The following GABRG3 variants were observed in gnomAD, a reference collection of about 807,000 sequenced individuals.
GABRG3 encodes the protein gamma-aminobutyric acid type A receptor subunit gamma3.
Under a neutral mutation model 48.8 loss-of-function variants are expected in GABRG3, and 25 were observed. That is an observed-to-expected ratio of 0.51 (90% CI 0.37 to 0.72). The LOEUF is 0.72. Ranked by LOEUF, GABRG3 falls within the 30% of genes least tolerant of loss-of-function variation. The probability of loss-of-function intolerance (pLI) is 0.00; values close to 1 mark genes in which losing one functional copy is unlikely to be tolerated. For missense variants in GABRG3, 394 were observed against 577.9 expected, an observed-to-expected ratio of 0.68 and a Z score of 3.26; for synonymous variants, 227 against 217.6, an observed-to-expected ratio of 1.04 and a Z score of -0.38.
chr15:27,337,766 T>A (rs1291096721), intron 5 of GABRG3, among the ~76,000 whole-genome samples: 1 of 152,196 alleles, frequency 6.6e-6, no homozygotes, highest in Non-Finnish European at 1.5e-5. Flanking sequence ...AACTATGAGA[T>A]GTCTTGACTA....
chr15:27,173,886 T>TA (rs1195027054), intron 3 of GABRG3, among the ~76,000 whole-genome samples: 1 of 151,584 alleles, frequency 6.6e-6, no homozygotes, highest in Non-Finnish European at 1.5e-5. Context: ...TCTCTGAAAA[T>TA]AAAAAAAGAA....
intron 3 of GABRG3, among the ~76,000 whole-genome samples, chr15:27,231,582 C>G (rs1444855694): frequency 6.6e-6 from 1 of 152,146 alleles, no homozygotes; most frequent in Admixed American, 6.5e-5. Flanking sequence ...GGTTTGAAAA[C>G]CCAACGTTAG....
chr15:27,225,572 A>G (rs1889586452), intron 3 of GABRG3, among the ~76,000 whole-genome samples: 1 of 152,092 alleles, frequency 6.6e-6, no homozygotes, highest in Admixed American at 6.5e-5. Flanking sequence ...TGGGTTGTTC[A>G]TTCCCTCTAT....
chr15:26,989,344 A>G (rs1445340918), intron 2 of GABRG3, among the ~76,000 whole-genome samples: 1 of 152,144 alleles, frequency 6.6e-6, no homozygotes, highest in Non-Finnish European at 1.5e-5. Context: ...TTGTTTTTCA[A>G]TAGTGGATAT....
intron 5 of GABRG3, among the ~76,000 whole-genome samples, chr15:27,372,815 G>T (rs923227419): frequency 6.6e-6 from 1 of 152,042 alleles, no homozygotes; most frequent in Non-Finnish European, 1.5e-5. Flanking sequence ...TTCCCTCCTG[G>T]TGCCTCTGTC....
At chr15:27,133,843 G>A (rs1231544608) in intron 3 of GABRG3, among the ~76,000 whole-genome samples, 1 of 152,072 alleles carries the variant, frequency 6.6e-6, no homozygotes, top group Non-Finnish European at 1.5e-5. Context: ...TTCATCTTAC[G>A]GTATGCACTT....
intron 6 of GABRG3, among the ~76,000 whole-genome samples, chr15:27,506,169 G>A (rs74005020): frequency 0.12 from 18,080 of 152,114 alleles, 2,054 homozygotes; most frequent in African/African-American, 0.3. Context: ...TTGCAATGGG[G>A]AGAATTCTAA....
At chr15:27,394,075 GTTTAATA>G (rs1887227682) in intron 5 of GABRG3, among the ~76,000 whole-genome samples, 1 of 152,048 alleles carries the variant, frequency 6.6e-6, no homozygotes, top group Non-Finnish European at 1.5e-5. Flanking sequence ...TTATTTTATT[GTTTAATA>G]TTTAATGTAA....
chr15:27,220,611 G>A (rs1889419786), intron 3 of GABRG3, among the ~76,000 whole-genome samples: 1 of 152,138 alleles, frequency 6.6e-6, no homozygotes, highest in African/African-American at 2.4e-5. Context: ...AGGGGCCTGG[G>A]TTTCTGAAAA....
chr15:27,399,195 G>A (rs759529347), intron 5 of GABRG3, among the ~76,000 whole-genome samples: 1 of 152,096 alleles, frequency 6.6e-6, no homozygotes, highest in African/African-American at 2.4e-5. Context: ...TATTAATAAC[G>A]GGCTTTCTAT....
intron 3 of GABRG3, among the ~76,000 whole-genome samples, chr15:27,219,618 C>T (rs1355557247): frequency 6.6e-6 from 1 of 152,176 alleles, no homozygotes; most frequent in African/African-American, 2.4e-5. Context: ...GTGCCCAGCA[C>T]CTCTGTGCCC....
intron 3 of GABRG3, among the ~76,000 whole-genome samples, chr15:27,313,970 A>G (rs1285673716): frequency 1.3e-5 from 2 of 152,120 alleles, no homozygotes; most frequent in Non-Finnish European, 2.9e-5. Context: ...AATAAAGATT[A>G]GAGGATAAAT....
At chr15:27,199,200 G>A (rs749628338) in intron 3 of GABRG3, among the ~76,000 whole-genome samples, 10 of 152,150 alleles carry the variant, frequency 6.6e-5, no homozygotes, top group Non-Finnish European at 1.2e-4. Flanking sequence ...AACGAACCAC[G>A]TATTGACAGA....
intron 3 of GABRG3, among the ~76,000 whole-genome samples, chr15:27,040,579 G>A (rs1028783716): frequency 1.0e-3 from 155 of 152,310 alleles, no homozygotes; most frequent in African/African-American, 3.6e-3. Context: ...AATTTTGCCA[G>A]TGATTTGCAA....
In GABRG3 at chr15:27,352,879, T is replaced by C. The variant is rs1894673986; in HGVS notation, c.574+23991T>C. On this transcript the variant is annotated intron_variant, in intron 5 of 9. Transcript: ENST00000615808. This position sits in a 1 kb window ranked among gnomAD's most constrained non-coding sequence, Gnocchi z 4.0. ...AATAAGACTCCAGCACATGCTCACT[T>C]GGTAAGTCATTGCATCTGCATTATC... Among the ~76,000 whole-genome samples, 1 of 152,112 alleles carries C rather than the reference T, an allele frequency of 6.6e-6. No homozygotes were observed. Among genetic ancestry groups the C allele is most frequent in the Non-Finnish European group, 1.5e-5 (1 of 68,024 alleles).
intron 5 of GABRG3, among the ~76,000 whole-genome samples, chr15:27,439,239 C>A: frequency 6.6e-6 from 1 of 152,244 alleles, no homozygotes; most frequent in Non-Finnish European, 1.5e-5. Flanking sequence ...CCCTGGGGTG[C>A]GACTTTCTTC....
chr15:27,482,368 G>A (rs1890120675), intron 6 of GABRG3, among the ~76,000 whole-genome samples: 1 of 152,170 alleles, frequency 6.6e-6, no homozygotes, highest in African/African-American at 2.4e-5. Context: ...CCTGCAGCTG[G>A]GGTGTGTTGT....
intron 5 of GABRG3, among the ~76,000 whole-genome samples, chr15:27,449,204 C>T (rs886324145): frequency 1.3e-5 from 2 of 152,166 alleles, no homozygotes; most frequent in East Asian, 1.9e-4. Context: ...TCCAACAGAA[C>T]TCTGCCTGTG....
At chr15:27,020,048 G>A (rs1037021755) in intron 2 of GABRG3, among the ~76,000 whole-genome samples, 6 of 152,128 alleles carry the variant, frequency 3.9e-5, no homozygotes, top group African/African-American at 9.7e-5. Flanking sequence ...TATTTACTGC[G>A]TTAACAGCCC....
Sources: allele counts gnomAD v4.1 joint callset (sites outside exome capture counted in the v4.1 genomes callset), GRCh38; gene constraint gnomAD v4.1.1; non-coding constraint Gnocchi (gnomAD v3.1); transcripts MANE v1.5; gene names NCBI Gene and HGNC (gene_info 2026-07-23, HGNC 2026-07-21).